The following ACAP1 variants were observed in gnomAD, a reference collection of about 807,000 sequenced individuals.
ACAP1 encodes the protein arf-GAP with coiled-coil, ANK repeat and PH domain-containing protein 1.
ACAP1 carries 45 observed loss-of-function variants against 98.8 expected under a neutral mutation model. The ratio of observed to expected loss-of-function variants is 0.46; its 90% confidence interval spans 0.36 to 0.58. The LOEUF is 0.58. Ranked by LOEUF, ACAP1 falls within the 20% of genes least tolerant of loss-of-function variation. The pLI is 0.00. For missense variants in ACAP1, 735 were observed against 971.4 expected (o/e 0.76, Z 3.24); for synonymous variants, 362 against 375.3 (o/e 0.96, Z 0.41).
Position 7,343,584 on chromosome 17 carries a change from C to T in ACAP1, c.528+22C>T, listed in dbSNP as rs763423132. 3 of 1,604,222 alleles carry T rather than the reference C, an allele frequency of 1.9e-6. No homozygotes were observed. Among genetic ancestry groups the T allele is most frequent in the Non-Finnish European group, 2.6e-6 (3 of 1,173,286 alleles). On this transcript the variant is annotated intron_variant, in intron 6 of 21. Coordinates refer to ENST00000158762, the MANE Select transcript of ACAP1 (RefSeq NM_014716.4). This position sits in a 1 kb window ranked among gnomAD's most constrained non-coding sequence, Gnocchi z 4.9. ...GCAGGTGCCTGCCCCAATCTGTCTT[C>T]CTGGGGTACCAGAGCCTCAAGTGTC...
In ACAP1 at chr17:7,350,108, C is replaced by T; in HGVS notation, c.1962-19C>T. 6.2e-7 allele frequency: 1 copy of T among 1,613,700 alleles called. No individual in the cohort carries two copies. The highest frequency in any genetic ancestry group is 8.5e-7 in the Non-Finnish European group (1 of 1,179,622). On this transcript the variant is annotated intron_variant, in intron 19 of 21. Coordinates refer to ENST00000158762, the MANE Select transcript of ACAP1 (RefSeq NM_014716.4). The surrounding 1 kb of genome is among the most constrained non-coding windows in gnomAD (Gnocchi z 4.6). ...TGGGAGAAGTTGGGCGGCCGGCTGA[C>T]CCTGGCTCTTCTCTCCAGGCTCGCC...
Position 7,342,295 on chromosome 17 carries a change from C to T in ACAP1, c.252C>T (p.Thr84=), listed in dbSNP as rs374767150. ...CCTAGGAGTGTCTGGAAAAATTCAC[C>T]GTGAGCCTGAACCACAAGCTGGACA... ...PMMAECLEKF[T]VSLNHKLDSH... Residue 84 remains threonine (T), a synonymous_variant, in exon 4 of 22, where the codon ACC becomes ACT. Transcript: ENST00000158762. 25 of 1,614,122 alleles carry T rather than the reference C, an allele frequency of 1.5e-5. No homozygotes were observed. Among genetic ancestry groups the T allele is most frequent in the Middle Eastern group, 1.7e-4 (1 of 6,058 alleles).
At position 7,343,485 on chromosome 17, in the gene ACAP1, G is replaced by A. The variant is rs747647205; in HGVS notation, c.451G>A (p.Glu151Lys). 2 of 1,614,028 alleles carry A rather than the reference G, an allele frequency of 1.2e-6. No individual in the cohort carries two copies. The highest frequency in any genetic ancestry group is 1.7e-6 in the Non-Finnish European group (2 of 1,180,012). ...NAEVPRRRAQ[E>K]AEEAGAALRT... Reference sequence around the variant, plus strand: ...AGAGGTTCCCAGGCGCCGGGCCCAGGAGGCAGAAGAGGCAGGAGCTGCTTT... The same window carrying A: ...AGAGGTTCCCAGGCGCCGGGCCCAGAAGGCAGAAGAGGCAGGAGCTGCTTT... Residue 151 changes from glutamate to lysine, a missense_variant, in exon 6 of 22, where the codon GAG (glutamate) becomes AAG (lysine). Glu to Lys is a moderately conservative substitution (Grantham distance 56). Coordinates refer to ENST00000158762, the MANE Select transcript of ACAP1 (RefSeq NM_014716.4). This position sits in a 1 kb window ranked among gnomAD's most constrained non-coding sequence, Gnocchi z 4.9.
rs112572069 is a variant in ACAP1, at chr17:7,343,088, A to AAAC, written c.345-276_345-274dup. ...GAGCAAGACCCGGTCTCAAAAACAA[A>AAAC]AACAACAACAACAACAAAAATTTTT... On this transcript the variant is annotated intron_variant, in intron 5 of 21. Transcript: ENST00000158762. The surrounding 1 kb of genome is among the most constrained non-coding windows in gnomAD (Gnocchi z 4.9). 36 of 334,258 alleles carry AAAC rather than the reference A, an allele frequency of 1.1e-4. No individual in the cohort carries two copies. The highest frequency in any genetic ancestry group is 3.6e-4 in the Admixed American group (8 of 22,414). 20.7% of individuals were successfully genotyped at this position (334,258 alleles called of 1,614,324 possible).
At chr17:7,349,254 A>T in intron 18 of ACAP1, 87 bp downstream of exon 18, 2 of 1,428,284 alleles carry the variant, frequency 1.4e-6, no homozygotes, top group Non-Finnish European at 1.9e-6. Flanking sequence ...TCCTTTCCCC[A>T]CCACCTGTTC....
chr17:7,348,489 T>C lies in ACAP1; in HGVS notation c.1678+14T>C, dbSNP rs2073369914. On this transcript the variant is annotated intron_variant, in intron 17 of 21. Transcript: ENST00000158762. Reference sequence around the variant, plus strand: ...GATCCAAGCCAGGTATAGGGTTGGTTGGGCATTCATTGAGCATCTGCTGTG... The same window carrying C: ...GATCCAAGCCAGGTATAGGGTTGGTCGGGCATTCATTGAGCATCTGCTGTG... The C allele has an allele frequency of 4.1e-6, 6 of 1,461,594 alleles. No homozygotes were observed. The highest frequency in any genetic ancestry group is 4.5e-6 in the Non-Finnish European group (5 of 1,104,824). The allele number at this position is 1,461,594 out of a possible 1,614,324, so 90.5% of individuals were successfully genotyped here.
In ACAP1 at chr17:7,346,906, A is replaced by G. The variant is rs2143017587; in HGVS notation, c.1106A>G (p.Asp369Gly). 1 of 1,612,852 alleles carries G rather than the reference A, an allele frequency of 6.2e-7. No homozygotes were observed. The highest frequency in any genetic ancestry group is 8.5e-7 in the Non-Finnish European group (1 of 1,179,022). Residue 369 changes from aspartate (D) to glycine (G), a missense_variant, in exon 13 of 22, where the codon GAT (aspartate) becomes GGT (glycine). Physicochemically the swap from Asp to Gly is moderately conservative, Grantham distance 94. This residue lies in a region of ACAP1 where 430 missense variants were observed against 531.8 expected (regional missense o/e 0.81). Coordinates refer to ENST00000158762, the MANE Select transcript of ACAP1 (RefSeq NM_014716.4). ...TCTGCCTTCAGTCAGGCTCGCCTTGATGACAGCCCCCGGGGTCCAGGCCAG... is the reference window on the plus strand; with the variant it reads ...TCTGCCTTCAGTCAGGCTCGCCTTGGTGACAGCCCCCGGGGTCCAGGCCAG... ...IASAFSQARLDDSPRGPGQGS... is the reference protein window; with the variant it reads ...IASAFSQARLGDSPRGPGQGS...
At chr17:7,339,289 A>T (rs1330970423) in intron 2 of ACAP1, among the ~76,000 whole-genome samples, 1 of 146,396 alleles carries the variant, frequency 6.8e-6, no homozygotes, top group East Asian at 2.1e-4. Context: ...GACTGTCTCA[A>T]TAAACAAAAA....
Position 7,343,840 on chromosome 17 carries a change from A to C in ACAP1, c.574-21A>C. The C allele has an allele frequency of 6.2e-7, 1 of 1,614,000 alleles. No homozygotes were observed. Among genetic ancestry groups the C allele is most frequent in the Non-Finnish European group, 8.5e-7 (1 of 1,179,956 alleles). ...AGAGGGGTTCTTCCTCAGCCTTCCC[A>C]CTGCCCGCCTTGTCCCCCAGGTGCT... On this transcript the variant is annotated intron_variant, in intron 7 of 21. Coordinates refer to ENST00000158762, the MANE Select transcript of ACAP1 (RefSeq NM_014716.4). The surrounding 1 kb of genome is among the most constrained non-coding windows in gnomAD (Gnocchi z 4.9).
chr17:7,346,778 C>T (rs773109737), intron 12 of ACAP1, 30 bp from the exon 13 acceptor site: 42 of 1,600,492 alleles, frequency 2.6e-5, no homozygotes, highest in Non-Finnish European at 3.1e-5. Flanking sequence ...CCTCAGACCC[C>T]TCTGCCATCT....
At position 7,343,020 on chromosome 17, in the gene ACAP1, C is replaced by T. The variant is rs1271760541; in HGVS notation, c.345-359C>T. The T allele has an allele frequency of 2.6e-5, 6 of 229,366 alleles. No homozygotes were observed. The highest frequency in any genetic ancestry group is 1.5e-4 in the South Asian group (2 of 13,470). The allele number at this position is 229,366 out of a possible 1,614,324, so 14.2% of individuals were successfully genotyped here. On this transcript the variant is annotated intron_variant, in intron 5 of 21. Transcript: ENST00000158762. The surrounding 1 kb of genome is among the most constrained non-coding windows in gnomAD (Gnocchi z 4.9). Reference sequence around the variant, plus strand: ...TGCTTGAGCCTGGAGGTCAGGGCTGCGGTGAGCCATGATTGTGCCACTGTA... The same window carrying T: ...TGCTTGAGCCTGGAGGTCAGGGCTGTGGTGAGCCATGATTGTGCCACTGTA...
chr17:7,341,859 G>T lies in ACAP1; in HGVS notation c.112-89G>T, dbSNP rs975275203. The stretch of plus-strand genomic sequence containing the variant: ...CAGGAATAGGGGAGCGCCGCCCTGG[G>T]CAAGGGGAGAGGAAGTGGGGCAGGT... On this transcript the variant is annotated intron_variant, in intron 2 of 21. Transcript: ENST00000158762. 2.5e-6 allele frequency: 4 copies of T among 1,578,364 alleles called. No homozygotes were observed. In the African/African-American group the frequency reaches 5.4e-5, roughly 21 times the overall value.
At chr17:7,341,684 A>G (rs2073280424) in intron 2 of ACAP1, among the ~76,000 whole-genome samples, 1 of 152,220 alleles carries the variant, frequency 6.6e-6, no homozygotes, top group African/African-American at 2.4e-5. Flanking sequence ...GGTAAGGCTG[A>G]CAGAGGTGTT....
At chr17:7,349,219 C>G in intron 18 of ACAP1, 52 bp downstream of exon 18, 1 of 1,596,744 alleles carries the variant, frequency 6.3e-7, no homozygotes, top group Non-Finnish European at 8.5e-7. Flanking sequence ...GACACCTACT[C>G]CTGACTCTGG....
Position 7,336,681 on chromosome 17 carries a change from A to G in ACAP1, c.-54A>G. 1.9e-6 allele frequency: 3 copies of G among 1,603,288 alleles called. No homozygotes were observed. Among genetic ancestry groups the G allele is most frequent in the Non-Finnish European group, 2.6e-6 (3 of 1,170,784 alleles). On this transcript the variant is annotated 5_prime_UTR_variant, in exon 1 of 22. Coordinates refer to ENST00000158762, the MANE Select transcript of ACAP1 (RefSeq NM_014716.4). ...TGGGACAGAAAGTGCCTCCACCTGC[A>G]TCCCCAGGGGCCCGGCCTCCAGGGC...
At chr17:7,349,717 T>C (rs1453701496) in intron 18 of ACAP1, 3 of 477,812 alleles carry the variant, frequency 6.3e-6, no homozygotes, top group Non-Finnish European at 1.1e-5. Flanking sequence ...CAGCCTCATC[T>C]GTAAAATAGT....
At position 7,348,150 on chromosome 17, in the gene ACAP1, C is replaced by T. The variant is rs758945441; in HGVS notation, c.1437C>T (p.Val479=). ...AGCTCATGTGTGAGCTGGGAAATGT[C>T]ATCATCAACCAGATCTATGAGGCCC... ...LVKLMCELGN[V]IINQIYEARV... Residue 479 remains valine (V), a synonymous_variant, in exon 16 of 22, where the codon GTC becomes GTT. Coordinates refer to ENST00000158762, the MANE Select transcript of ACAP1 (RefSeq NM_014716.4). The T allele has an allele frequency of 3.1e-6, 5 of 1,613,958 alleles. No individual in the cohort carries two copies. Among genetic ancestry groups the T allele is most frequent in the East Asian group, 2.2e-5 (1 of 44,896 alleles).
intron 2 of ACAP1, among the ~76,000 whole-genome samples, chr17:7,340,132 C>T (rs569871364): frequency 6.6e-6 from 1 of 151,912 alleles, no homozygotes; most frequent in Non-Finnish European, 1.5e-5. Flanking sequence ...ATTAGCCAGG[C>T]ATGGTGGTGT....
Position 7,336,688 on chromosome 17 carries a change from G to C in ACAP1, c.-47G>C, listed in dbSNP as rs2073222336. 6.2e-7 allele frequency: 1 copy of C among 1,609,952 alleles called. No individual in the cohort carries two copies. The highest frequency in any genetic ancestry group is 8.5e-7 in the Non-Finnish European group (1 of 1,176,826). On this transcript the variant is annotated 5_prime_UTR_variant, in exon 1 of 22. Transcript: ENST00000158762. ...GAAAGTGCCTCCACCTGCATCCCCA[G>C]GGGCCCGGCCTCCAGGGCCCGCTGG...
Sources: gnomAD v4.1 joint callset for allele counts (sites outside exome capture counted in the v4.1 genomes callset) on GRCh38, gnomAD v4.1.1 for gene constraint, gnomAD v4.1.1 regional missense constraint, Gnocchi (gnomAD v3.1) non-coding constraint, MANE v1.5 for transcripts, NCBI Gene and HGNC (gene_info 2026-07-23, HGNC 2026-07-21) for gene names.